Variants in CNBD1 observed in about 807,000 individuals in gnomAD.
The protein encoded by CNBD1 is cyclic nucleotide-binding domain-containing protein 1.
In CNBD1, 71 loss-of-function variants were observed where a neutral mutation model predicts 54.4. That is an observed-to-expected ratio of 1.30 (90% CI 1.08 to 1.59). CNBD1 has a LOEUF of 1.59. Among genes scored for constraint, CNBD1 ranks in the 40% most tolerant of loss-of-function variants. CNBD1 has a pLI of 0.00. For synonymous variants in CNBD1, 182 were observed against 170.7 expected (o/e 1.07, Z -0.51); for missense variants, 659 against 518.0 (o/e 1.27, Z -2.64).
intron 4 of CNBD1, among the ~76,000 whole-genome samples, chr8:87,072,251 G>A (rs1455142678): frequency 2.6e-5 from 4 of 151,946 alleles, no homozygotes; most frequent in African/African-American, 7.2e-5. Context: ...ATGTGTCTTG[G>A]CTCTTCATCC....
chr8:87,291,048 C>T (rs1808775984), intron 8 of CNBD1, among the ~76,000 whole-genome samples: 1 of 152,128 alleles, frequency 6.6e-6, no homozygotes, highest in African/African-American at 2.4e-5. Context: ...CTATGCTAAT[C>T]AGTTTTAAAG....
intron 5 of CNBD1, among the ~76,000 whole-genome samples, chr8:87,225,822 T>C (rs1178400153): frequency 1.4e-5 from 2 of 147,080 alleles, no homozygotes; most frequent in Admixed American, 6.7e-5. Context: ...ATGGTACCAG[T>C]TCCTCCTTGT....
chr8:86,964,822 GATGGTCACTAGGAA>G (rs1563839911), intron 4 of CNBD1, among the ~76,000 whole-genome samples: 7 of 152,312 alleles, frequency 4.6e-5, no homozygotes, highest in African/African-American at 1.7e-4. Context: ...CCTCTCCTGA[GATGGTCACTAGGAA>G]GGCTGAATCA....
chr8:87,271,748 C>G (rs1227441300), intron 6 of CNBD1, among the ~76,000 whole-genome samples: 3 of 151,574 alleles, frequency 2.0e-5, no homozygotes, highest in Admixed American at 6.6e-5. Context: ...CGCAATTCTA[C>G]TGTTGGGTAT....
chr8:87,238,285 T>A (rs1322460819), intron 6 of CNBD1, among the ~76,000 whole-genome samples: 3 of 152,128 alleles, frequency 2.0e-5, no homozygotes, highest in Non-Finnish European at 4.4e-5. Context: ...TAGCTCTTAC[T>A]GCACAGGCCA....
intron 4 of CNBD1, among the ~76,000 whole-genome samples, chr8:86,953,423 G>A (rs1010513773): frequency 6.6e-6 from 1 of 152,134 alleles, no homozygotes; most frequent in African/African-American, 2.4e-5. Context: ...TCACCTCTGT[G>A]ATTTACAATG....
intron 4 of CNBD1, among the ~76,000 whole-genome samples, chr8:86,970,348 G>A (rs1344862872): frequency 1.3e-5 from 2 of 151,842 alleles, no homozygotes; most frequent in African/African-American, 2.4e-5. Flanking sequence ...TTATGATTTT[G>A]TCTCATCATG....
At chr8:87,347,491 A>G (rs1430301682) in intron 8 of CNBD1, among the ~76,000 whole-genome samples, 1 of 148,718 alleles carries the variant, frequency 6.7e-6, no homozygotes, top group Non-Finnish European at 1.5e-5. Flanking sequence ...CAAATCAATA[A>G]CTTATACAAT....
intron 4 of CNBD1, among the ~76,000 whole-genome samples, chr8:87,095,189 T>C (rs1811293587): frequency 6.6e-6 from 1 of 152,254 alleles, no homozygotes. Context: ...GTCATATTTC[T>C]ACAAAGTACA....
intron 2 of CNBD1, among the ~76,000 whole-genome samples, chr8:87,423,635 C>T (rs937420299): frequency 1.4e-5 from 2 of 147,148 alleles, no homozygotes; most frequent in African/African-American, 5.2e-5. Flanking sequence ...CCCACTTGAT[C>T]ATGGTGGATA....
At chr8:87,123,539 A>C (rs184803394) in intron 4 of CNBD1, among the ~76,000 whole-genome samples, 1 of 151,778 alleles carries the variant, frequency 6.6e-6, no homozygotes. Context: ...AAGGACATTT[A>C]TAGCATTTAA....
intron 8 of CNBD1, among the ~76,000 whole-genome samples, chr8:87,338,633 A>G: frequency 8.2e-6 from 1 of 121,834 alleles, no homozygotes; most frequent in Admixed American, 8.1e-5. Flanking sequence ...TTTTTTTTCT[A>G]GTTTGAAAAG....
chr8:87,064,325 A>G (rs1299396282), intron 4 of CNBD1, among the ~76,000 whole-genome samples: 3 of 151,884 alleles, frequency 2.0e-5, no homozygotes, highest in African/African-American at 4.8e-5. Flanking sequence ...TTTTTATTAT[A>G]TGGTTATCCA....
At chr8:87,283,606 G>A (rs571246065) in intron 6 of CNBD1, among the ~76,000 whole-genome samples, 10 of 152,072 alleles carry the variant, frequency 6.6e-5, no homozygotes, top group Non-Finnish European at 1.2e-4. Context: ...GCAGACCTAG[G>A]TTCTTGATTT....
chr8:87,348,582 C>A (rs1425441408), intron 8 of CNBD1, among the ~76,000 whole-genome samples: 1 of 152,106 alleles, frequency 6.6e-6, no homozygotes, highest in Non-Finnish European at 1.5e-5. Flanking sequence ...ATGTCGTGCT[C>A]AAAGTTGCCT....
chr8:87,422,937 T>C (rs1021649288), intron 2 of CNBD1, among the ~76,000 whole-genome samples: 1 of 151,996 alleles, frequency 6.6e-6, no homozygotes, highest in Admixed American at 6.6e-5. Flanking sequence ...GTTTGTATCC[T>C]CTTTTATTTC....
chr8:87,121,650 A>G (rs965613222), intron 4 of CNBD1, among the ~76,000 whole-genome samples: 4 of 151,674 alleles, frequency 2.6e-5, no homozygotes, highest in Admixed American at 2.0e-4. Context: ...TTGATCAGCA[A>G]TTACCCATTT....
chr8:87,225,916 GCTC>G (rs1386578518), intron 5 of CNBD1, among the ~76,000 whole-genome samples: 1 of 150,074 alleles, frequency 6.7e-6, no homozygotes, highest in Non-Finnish European at 1.5e-5. Flanking sequence ...CACAATTTCA[GCTC>G]CTGTTATTGG....
intron 8 of CNBD1, among the ~76,000 whole-genome samples, chr8:87,333,360 C>T (rs1297967528): frequency 6.6e-6 from 1 of 152,030 alleles, no homozygotes; most frequent in Non-Finnish European, 1.5e-5. Context: ...TTTGAATATC[C>T]TTTATTTCTT....
Sources: gnomAD v4.1 joint callset for allele counts (sites outside exome capture counted in the v4.1 genomes callset) on GRCh38, gnomAD v4.1.1 for gene constraint, MANE v1.5 for transcripts, NCBI Gene and HGNC (gene_info 2026-07-23, HGNC 2026-07-21) for gene names.